The following NAALADL2 variants were observed in gnomAD, a reference collection of about 807,000 sequenced individuals.
NAALADL2 encodes the protein N-acetylated alpha-linked acidic dipeptidase like 2, also known as inactive N-acetylated-alpha-linked acidic dipeptidase-like protein 2.
NAALADL2 carries 76 observed loss-of-function variants against 87.2 expected under a neutral mutation model. The ratio of observed to expected loss-of-function variants is 0.87; its 90% CI spans 0.72 to 1.05. NAALADL2 has a LOEUF of 1.05. Ranked by LOEUF, NAALADL2 falls within the 50% of genes least tolerant of loss-of-function variation. NAALADL2 has a pLI of 0.00. For synonymous variants in NAALADL2, 354 were observed against 331.0 expected, an observed-to-expected ratio of 1.07 and a Z score of -0.75; for missense variants, 1,089 against 945.8, an observed-to-expected ratio of 1.15 and a Z score of -1.99.
intron 9 of NAALADL2, among the ~76,000 whole-genome samples, chr3:175,519,069 A>G (rs1055105498): frequency 6.6e-6 from 1 of 152,170 alleles, no homozygotes; most frequent in African/African-American, 2.4e-5. Context: ...GCCTATCTGT[A>G]TAGATTCTTC....
At chr3:175,613,309 A>G (rs538761064) in intron 10 of NAALADL2, among the ~76,000 whole-genome samples, 1 of 152,326 alleles carries the variant, frequency 6.6e-6, no homozygotes, top group South Asian at 2.1e-4. Flanking sequence ...AGTTAGTGAA[A>G]TGATCCAAAA....
At chr3:174,597,588 C>A (rs913475475) in intron 2 of NAALADL2, among the ~76,000 whole-genome samples, 6 of 152,096 alleles carry the variant, frequency 3.9e-5, no homozygotes, top group Non-Finnish European at 7.4e-5. Context: ...ATTTTCCTTT[C>A]GCATTTTCAT....
At chr3:174,940,030 T>C (rs1200278660) in intron 1 of NAALADL2, among the ~76,000 whole-genome samples, 1 of 152,080 alleles carries the variant, frequency 6.6e-6, no homozygotes, top group Non-Finnish European at 1.5e-5. Context: ...AGGTTAGGAG[T>C]CCTAATACTA....
intron 2 of NAALADL2, among the ~76,000 whole-genome samples, chr3:174,602,491 T>C (rs1718549178): frequency 6.6e-6 from 1 of 152,088 alleles, no homozygotes; most frequent in Non-Finnish European, 1.5e-5. Context: ...AATTTGTTTA[T>C]CAATTGTAAT....
chr3:175,212,700 GT>G (rs1422270546), intron 2 of NAALADL2, among the ~76,000 whole-genome samples: 1 of 151,052 alleles, frequency 6.6e-6, no homozygotes, highest in African/African-American at 2.4e-5. Context: ...TGATTTGTTG[GT>G]TACCCACTAT....
chr3:175,549,742 G>A lies in NAALADL2; in HGVS notation c.1654-26299G>A, dbSNP rs7652700. ...AATGTAGGCAATACAAAGGCGGACT[G>A]CAAAAAACTTAAGTCTTTAAGACTT... On this transcript the variant is annotated intron_variant, in intron 9 of 13. Transcript: ENST00000454872. 8.7e-3 allele frequency among the ~76,000 whole-genome samples: 1,323 copies of A among 152,062 alleles called. 22 individuals are homozygous for A. Among genetic ancestry groups the A allele is most frequent in the African/African-American group, 0.03 (1,246 of 41,510 alleles).
chr3:175,366,950 A>G (rs1765673924), intron 5 of NAALADL2, among the ~76,000 whole-genome samples: 1 of 151,592 alleles, frequency 6.6e-6, no homozygotes, highest in Admixed American at 6.6e-5. Context: ...TATGTCCTGA[A>G]TGGTAATGCC....
intron 6 of NAALADL2, among the ~76,000 whole-genome samples, chr3:175,452,313 T>C (rs1450720103): frequency 6.6e-6 from 1 of 152,118 alleles, no homozygotes; most frequent in Non-Finnish European, 1.5e-5. Context: ...AATGGAGTAG[T>C]ATGATCTTAT....
At chr3:174,570,239 C>T (rs971169527) in intron 2 of NAALADL2, among the ~76,000 whole-genome samples, 1 of 151,748 alleles carries the variant, frequency 6.6e-6, no homozygotes, top group African/African-American at 2.4e-5. Context: ...GGAGGGCAAG[C>T]CTGGTCTCAT....
At chr3:175,288,039 CA>C in intron 4 of NAALADL2, among the ~76,000 whole-genome samples, 1 of 152,152 alleles carries the variant, frequency 6.6e-6, no homozygotes, top group East Asian at 1.9e-4. Context: ...CAGAATTAAC[CA>C]ATGTTAATGT....
intron 2 of NAALADL2, among the ~76,000 whole-genome samples, chr3:175,146,759 A>G (rs1207809806): frequency 6.6e-6 from 1 of 151,966 alleles, no homozygotes; most frequent in Admixed American, 6.6e-5. Context: ...TTACTTGACT[A>G]TTTTGCCTTC....
intron 2 of NAALADL2, among the ~76,000 whole-genome samples, chr3:175,148,992 A>G (rs1731170885): frequency 6.6e-6 from 1 of 152,104 alleles, no homozygotes; most frequent in African/African-American, 2.4e-5. Flanking sequence ...GAAAAATAAT[A>G]TTTCTAGTTT....
intron 4 of NAALADL2, among the ~76,000 whole-genome samples, chr3:175,267,430 C>T (rs1752123138): frequency 6.6e-6 from 1 of 151,962 alleles, no homozygotes; most frequent in Non-Finnish European, 1.5e-5. Flanking sequence ...TTATAAAAAC[C>T]CTCTGTTCAC....
chr3:175,793,517 G>A (rs915753527), intron 13 of NAALADL2, among the ~76,000 whole-genome samples: 3 of 151,214 alleles, frequency 2.0e-5, no homozygotes, highest in Non-Finnish European at 4.4e-5. Flanking sequence ...GGGTTACACC[G>A]TGTTAGCCAG....
At chr3:174,831,655 A>G (rs192830811) in intron 3 of NAALADL2, among the ~76,000 whole-genome samples, 2,971 of 150,962 alleles carry the variant, frequency 0.02, 108 homozygotes, top group African/African-American at 0.069. Context: ...CTCGTTTTCT[A>G]TTGATTGGAA....
At chr3:175,182,453 T>G (rs1473696129) in intron 2 of NAALADL2, among the ~76,000 whole-genome samples, 1 of 151,924 alleles carries the variant, frequency 6.6e-6, no homozygotes, top group African/African-American at 2.4e-5. Context: ...AGTGACATGA[T>G]TATAGCTCAC....
chr3:174,814,445 T>C (rs750300613), intron 3 of NAALADL2, among the ~76,000 whole-genome samples: 17 of 152,276 alleles, frequency 1.1e-4, no homozygotes, highest in Non-Finnish European at 2.2e-4. Context: ...AGAATTTAAA[T>C]ATGTATCTTG....
chr3:175,570,708 G>A (rs1334506339), intron 9 of NAALADL2, among the ~76,000 whole-genome samples: 1 of 151,910 alleles, frequency 6.6e-6, no homozygotes, highest in Non-Finnish European at 1.5e-5. Flanking sequence ...GTGAAACCCT[G>A]TTTCTATCAA....
chr3:175,526,880 A>AAT (rs1733494132), intron 9 of NAALADL2, among the ~76,000 whole-genome samples: 2 of 152,184 alleles, frequency 1.3e-5, no homozygotes, highest in African/African-American at 4.8e-5. Flanking sequence ...GCATTTAGCT[A>AAT]AAACCCTCCT....
Sources: gnomAD v4.1 joint callset for allele counts (sites outside exome capture counted in the v4.1 genomes callset) on GRCh38, gnomAD v4.1.1 for gene constraint, MANE v1.5 for transcripts, NCBI Gene and HGNC (gene_info 2026-07-23, HGNC 2026-07-21) for gene names.